RBFOX1: variants seen among roughly 807,000 people sequenced by gnomAD.
RBFOX1 encodes RNA binding fox-1 homolog 1.
In RBFOX1, 8 loss-of-function variants were observed where a neutral mutation model predicts 57.7. The ratio of observed to expected loss-of-function variants is 0.14; its 90% CI spans 0.08 to 0.25. RBFOX1 has a LOEUF of 0.25. Among genes scored for constraint, RBFOX1 ranks in the 10% least tolerant of loss-of-function variants. The pLI is 1.00. For missense variants in RBFOX1, 611 were observed against 548.5 expected (o/e 1.11, Z -1.14); for synonymous variants, 326 against 222.4 (o/e 1.47, Z -4.15).
At chr16:5,733,598 T>C (rs937560946) in intron 3 of RBFOX1, among the ~76,000 whole-genome samples, 1 of 152,120 alleles carries the variant, frequency 6.6e-6, no homozygotes, top group African/African-American at 2.4e-5. Context: ...GTCAGCATGG[T>C]CACCTAGTCC....
intron 4 of RBFOX1, among the ~76,000 whole-genome samples, chr16:5,901,203 TG>T (rs887794953): frequency 6.6e-6 from 1 of 152,158 alleles, no homozygotes; most frequent in Non-Finnish European, 1.5e-5. Context: ...GGGCTGTATG[TG>T]GGGGCTACTT....
intron 4 of RBFOX1, among the ~76,000 whole-genome samples, chr16:7,352,018 C>G (rs985387354): frequency 6.6e-6 from 1 of 152,132 alleles, no homozygotes; most frequent in African/African-American, 2.4e-5. Context: ...GGGCTCAGTT[C>G]TTGACTTGGG....
At chr16:6,866,685 G>A (rs1447831610) in intron 3 of RBFOX1, among the ~76,000 whole-genome samples, 2 of 151,718 alleles carry the variant, frequency 1.3e-5, no homozygotes, top group Non-Finnish European at 2.9e-5. Context: ...GGGACTACAG[G>A]CGCCTGCCAC....
intron 3 of RBFOX1, among the ~76,000 whole-genome samples, chr16:6,956,581 G>C (rs1054176234): frequency 1.3e-5 from 2 of 152,204 alleles, no homozygotes; most frequent in Non-Finnish European, 2.9e-5. Flanking sequence ...CTCTGGTCAG[G>C]TGTGGGAGAC....
intron 3 of RBFOX1, among the ~76,000 whole-genome samples, chr16:6,986,116 A>C (rs1233707205): frequency 1.3e-5 from 2 of 151,542 alleles, no homozygotes. Flanking sequence ...GAAAAATTCT[A>C]AACATGAAAA....
At chr16:6,256,984 G>C (rs895857044) in intron 1 of RBFOX1, among the ~76,000 whole-genome samples, 15 of 152,158 alleles carry the variant, frequency 9.9e-5, no homozygotes, top group African/African-American at 3.6e-4. Flanking sequence ...CATTCCATGA[G>C]TAGATGTGAG....
intron 4 of RBFOX1, among the ~76,000 whole-genome samples, chr16:6,009,785 C>T (rs921501469): frequency 1.0e-5 from 1 of 98,228 alleles, no homozygotes; most frequent in Non-Finnish European, 2.0e-5. Context: ...ACATCTGTGA[C>T]ATGGGGCAGT....
At chr16:5,587,468 T>G (rs1053014197) in intron 2 of RBFOX1, among the ~76,000 whole-genome samples, 1 of 152,154 alleles carries the variant, frequency 6.6e-6, no homozygotes, top group Non-Finnish European at 1.5e-5. Flanking sequence ...ATCCCAGCAC[T>G]TTGGGAGGCT....
intron 1 of RBFOX1, among the ~76,000 whole-genome samples, chr16:5,453,642 A>G (rs2068495493): frequency 6.6e-6 from 1 of 152,192 alleles, no homozygotes; most frequent in East Asian, 1.9e-4. Flanking sequence ...CCCTGCAAGT[A>G]GCATCCCATT....
At chr16:6,087,045 A>C (rs1214094176) in intron 1 of RBFOX1, among the ~76,000 whole-genome samples, 3 of 152,200 alleles carry the variant, frequency 2.0e-5, no homozygotes, top group Non-Finnish European at 4.4e-5. Flanking sequence ...ATGTGGAGTG[A>C]GACGGATTGA....
chr16:7,098,636 A>G (rs2062103966), intron 4 of RBFOX1, among the ~76,000 whole-genome samples: 1 of 152,136 alleles, frequency 6.6e-6, no homozygotes. Flanking sequence ...ATGGGGATAT[A>G]GGACATTAGA....
intron 4 of RBFOX1, among the ~76,000 whole-genome samples, chr16:7,418,194 C>G (rs1489230564): frequency 2.0e-5 from 3 of 152,194 alleles, no homozygotes; most frequent in African/African-American, 7.2e-5. Flanking sequence ...TCCATAGTTT[C>G]CACCCCAGAA....
At chr16:5,850,556 C>T (rs561846371) in intron 3 of RBFOX1, among the ~76,000 whole-genome samples, 13 of 152,258 alleles carry the variant, frequency 8.5e-5, no homozygotes, top group African/African-American at 2.9e-4. Flanking sequence ...ATAACAGTAA[C>T]GATGCATTAT....
intron 2 of RBFOX1, among the ~76,000 whole-genome samples, chr16:6,519,405 C>T (rs2096456676): frequency 6.6e-6 from 1 of 152,128 alleles, no homozygotes; most frequent in Non-Finnish European, 1.5e-5. Flanking sequence ...ATATTCATTT[C>T]TGATGGAAAC....
chr16:7,086,752 G>T (rs1348996402), intron 4 of RBFOX1, among the ~76,000 whole-genome samples: 3 of 26,852 alleles, frequency 1.1e-4, no homozygotes. Flanking sequence ...TTTAAAATTT[G>T]GTCTTCTAAT....
chr16:6,744,370 C>A (rs949173032), intron 3 of RBFOX1, among the ~76,000 whole-genome samples: 7 of 151,870 alleles, frequency 4.6e-5, no homozygotes, highest in Non-Finnish European at 7.4e-5. Context: ...ACTGTAGAAC[C>A]CTCTATCCTA....
At chr16:5,584,826 A>G (rs917862894) in intron 2 of RBFOX1, among the ~76,000 whole-genome samples, 2 of 152,322 alleles carry the variant, frequency 1.3e-5, no homozygotes, top group South Asian at 2.1e-4. Flanking sequence ...TACAGACCCT[A>G]TTAATTTTAA....
chr16:5,844,411 A>T (rs1267463259), intron 3 of RBFOX1, among the ~76,000 whole-genome samples: 1 of 152,208 alleles, frequency 6.6e-6, no homozygotes, highest in Non-Finnish European at 1.5e-5. Flanking sequence ...ATGGTCCCCA[A>T]AGTAATTGGC....
chr16:6,692,448 C>G (rs971883699), intron 3 of RBFOX1, among the ~76,000 whole-genome samples: 3 of 152,130 alleles, frequency 2.0e-5, no homozygotes, highest in Admixed American at 6.5e-5. Flanking sequence ...ATTATTCTTC[C>G]TAGAACATTG....
Sources: allele counts gnomAD v4.1 joint callset (sites outside exome capture counted in the v4.1 genomes callset), GRCh38; gene constraint gnomAD v4.1.1; transcripts MANE v1.5; gene names NCBI Gene and HGNC (gene_info 2026-07-23, HGNC 2026-07-21).